ZNF333: variants seen among roughly 807,000 people sequenced by gnomAD.
The protein encoded by ZNF333 is zinc finger protein 333.
In ZNF333, 61 loss-of-function variants were observed where a neutral mutation model predicts 76.1. The ratio of observed to expected loss-of-function variants is 0.80; its 90% CI spans 0.65 to 0.99. The LOEUF is 0.99. ZNF333 is among the 50% of genes least tolerant of loss of function. The probability of loss-of-function intolerance (pLI) is 0.00; values close to 1 mark genes in which losing one functional copy is unlikely to be tolerated. For missense variants in ZNF333, 717 were observed against 822.4 expected (o/e 0.87, Z 1.57); for synonymous variants, 284 against 305.0 (o/e 0.93, Z 0.72).
At position 14,718,359 on chromosome 19, in the gene ZNF333, A is replaced by G; in HGVS notation, c.1032A>G (p.Arg344=). Residue 344 remains arginine (R), a synonymous_variant, in exon 12 of 12, where the codon AGA becomes AGG. Coordinates refer to ENST00000292530, the MANE Select transcript of ZNF333 (RefSeq NM_032433.4). ...GEASCECQEI[R]NSFFQSAHLI... ...CATCCTGTGAATGTCAAGAGATTAG[A>G]AATTCCTTCTTCCAGAGTGCCCACC... 1 of 1,614,242 alleles carries G rather than the reference A, an allele frequency of 6.2e-7. No homozygotes were observed. The highest frequency in any genetic ancestry group is 1.7e-5 in the Admixed American group (1 of 60,028).
chr19:14,714,515 T>C (rs2042369362), intron 7 of ZNF333, among the ~76,000 whole-genome samples: 1 of 152,104 alleles, frequency 6.6e-6, no homozygotes, highest in South Asian at 2.1e-4. Context: ...GAGCTTAACT[T>C]TGGACTCCTC....
intron 5 of ZNF333, among the ~76,000 whole-genome samples, chr19:14,702,792 G>A (rs937268641): frequency 6.6e-6 from 1 of 152,206 alleles, no homozygotes; most frequent in African/African-American, 2.4e-5. Context: ...TCACAGTTCA[G>A]CATGGCTGGG....
At chr19:14,697,782 C>T (rs572940027) in intron 4 of ZNF333, among the ~76,000 whole-genome samples, 2 of 152,290 alleles carry the variant, frequency 1.3e-5, no homozygotes, top group South Asian at 4.1e-4. Flanking sequence ...TACCACTTTC[C>T]AACACAGGTA....
chr19:14,712,379 C>A (rs774838439), intron 7 of ZNF333, among the ~76,000 whole-genome samples: 5 of 152,104 alleles, frequency 3.3e-5, no homozygotes, highest in African/African-American at 1.2e-4. Flanking sequence ...GCCACCACGC[C>A]CAGCTAATTT....
At chr19:14,730,203 C>T (rs756276052) in intron 11 of ZNF333, among the ~76,000 whole-genome samples, 1 of 152,012 alleles carries the variant, frequency 6.6e-6, no homozygotes, top group Non-Finnish European at 1.5e-5. Context: ...TACAGGTGCC[C>T]GTGACCATGC....
At chr19:14,703,072 C>T (rs917164230) in intron 5 of ZNF333, among the ~76,000 whole-genome samples, 10 of 151,692 alleles carry the variant, frequency 6.6e-5, no homozygotes, top group African/African-American at 2.2e-4. Flanking sequence ...GGCGTGGTGG[C>T]GGGCGCCTGT....
intron 5 of ZNF333, chr19:14,702,012 C>G (rs1000919780): frequency 1.6e-6 from 1 of 616,226 alleles, no homozygotes; most frequent in African/African-American, 2.0e-5. Flanking sequence ...TGGTGCTGAC[C>G]CTTTAGGTAG....
chr19:14,693,054 T>G (rs938757766), intron 1 of ZNF333, among the ~76,000 whole-genome samples: 2 of 152,192 alleles, frequency 1.3e-5, no homozygotes, highest in Non-Finnish European at 2.9e-5. Context: ...TTCAAATTCC[T>G]GACCTCAAGT....
chr19:14,701,553 C>A, intron 5 of ZNF333: 1 of 984,648 alleles, frequency 1.0e-6, no homozygotes, highest in Non-Finnish European at 1.2e-6. Flanking sequence ...CAGTTCCCAT[C>A]CTCCACCTCC....
At chr19:14,700,297 AG>A (rs1353757498) in intron 5 of ZNF333, 1 of 152,096 alleles carries the variant, frequency 6.6e-6, no homozygotes, top group Non-Finnish European at 1.5e-5. Context: ...CTGGGACTAC[AG>A]GTGTGAGCCA....
intron 10 of ZNF333, chr19:14,717,371 T>C (rs1175504813): frequency 3.7e-6 from 2 of 542,936 alleles, no homozygotes; most frequent in East Asian, 6.2e-5. Flanking sequence ...TTCTTGCTAA[T>C]ATTTTTCCTC....
downstream of ZNF333, chr19:14,722,004 G>A (rs1375841361): frequency 6.6e-6 from 1 of 152,192 alleles, no homozygotes; most frequent in Non-Finnish European, 1.5e-5. Context: ...TTGCCAGACA[G>A]TTTTTCAATG....
chr19:14,689,984 A>C (rs1972617316), upstream of ZNF333: 1 of 152,264 alleles, frequency 6.6e-6, no homozygotes, highest in East Asian at 1.9e-4. Flanking sequence ...CCGCCGCCTA[A>C]GGCTACCCTG....
exon 12 of ZNF333, chr19:14,731,263 C>T: frequency 1.4e-6 from 2 of 1,389,360 alleles, no homozygotes; most frequent in African/African-American, 1.4e-5. Flanking sequence ...ATCAAAGGAT[C>T]ACTACTGGGG....
At chr19:14,695,930 G>A (rs1411594966) in intron 4 of ZNF333, among the ~76,000 whole-genome samples, 1 of 152,172 alleles carries the variant, frequency 6.6e-6, no homozygotes, top group Non-Finnish European at 1.5e-5. Flanking sequence ...TGTAATCCCA[G>A]CACTTTGGGA....
intron 10 of ZNF333, chr19:14,717,324 CATGTGT>C: frequency 1.9e-6 from 1 of 538,188 alleles, no homozygotes; most frequent in South Asian, 2.5e-5. Context: ...TTAATATTTC[CATGTGT>C]ATATTTTATC....
chr19:14,705,237 T>C, intron 6 of ZNF333, 67 bp downstream of exon 6: 1 of 1,439,066 alleles, frequency 6.9e-7, no homozygotes, highest in South Asian at 1.2e-5. Flanking sequence ...GTGTGGGTTG[T>C]CTGTAAATTG....
At chr19:14,691,143 GT>G (rs1972741390) in intron 1 of ZNF333, among the ~76,000 whole-genome samples, 2 of 151,994 alleles carry the variant, frequency 1.3e-5, no homozygotes, top group South Asian at 2.1e-4. Flanking sequence ...TTTTGTTTTT[GT>G]TTTTCTTTAT....
chr19:14,695,627 A>T lies in ZNF333; in HGVS notation c.189A>T (p.Ala63=). Residue 63 remains alanine (A), a synonymous_variant, in exon 4 of 12, where the codon GCA becomes GCT. Coordinates refer to ENST00000292530, the MANE Select transcript of ZNF333 (RefSeq NM_032433.4). ...TGGGGCAAAGAGCAGAGCCAAAGGC[A>T]ACAGAACGAGGGATTCTCCGTGCCA... is the stretch of plus-strand genomic sequence containing the variant. The part of the protein sequence containing the change: ...SQLGQRAEPK[A]TERGILRATG... The T allele has an allele frequency of 1.2e-6, 2 of 1,614,206 alleles. No homozygotes were observed.
Sources: gnomAD v4.1 joint callset for allele counts (sites outside exome capture counted in the v4.1 genomes callset) on GRCh38, gnomAD v4.1.1 for gene constraint, MANE v1.5 for transcripts, NCBI Gene and HGNC (gene_info 2026-07-23, HGNC 2026-07-21) for gene names.